The following USP24 variants were observed in gnomAD, a reference collection of about 807,000 sequenced individuals.
USP24 encodes the protein ubiquitin specific peptidase 24.
Under a neutral mutation model 361.6 loss-of-function variants are expected in USP24, and 97 were observed. The ratio of observed to expected loss-of-function variants is 0.27; its 90% confidence interval spans 0.23 to 0.32. The LOEUF is 0.32. Ranked by LOEUF, USP24 falls within the 10% of genes least tolerant of loss-of-function variation. USP24 has a pLI of 1.00. For missense variants in USP24, 2,353 were observed against 3,165.6 expected, an observed-to-expected ratio of 0.74 and a Z score of 6.16; for synonymous variants, 1,098 against 1,124.6, an observed-to-expected ratio of 0.98 and a Z score of 0.47.
intron 1 of USP24, among the ~76,000 whole-genome samples, chr1:55,208,086 T>C (rs1042414134): frequency 7.9e-5 from 12 of 152,216 alleles, no homozygotes; most frequent in African/African-American, 2.9e-4. Flanking sequence ...GTGTTAGCTC[T>C]TCAGAGAAAA....
At chr1:55,160,681 T>C (rs956718817) in intron 8 of USP24, among the ~76,000 whole-genome samples, 4 of 152,222 alleles carry the variant, frequency 2.6e-5, no homozygotes, top group African/African-American at 9.6e-5. Flanking sequence ...CATACACTTC[T>C]TGTTCTTTTT....
intron 28 of USP24, 60 bp from the exon 29 acceptor site, chr1:55,134,473 T>A: frequency 1.4e-6 from 2 of 1,434,024 alleles, no homozygotes; most frequent in East Asian, 4.8e-5. Context: ...CCTTTCCTAA[T>A]CAAACTTACA....
intron 42 of USP24, among the ~76,000 whole-genome samples, chr1:55,101,974 A>G (rs1645646546): frequency 6.6e-6 from 1 of 152,290 alleles, no homozygotes; most frequent in African/African-American, 2.4e-5. Flanking sequence ...CTTGATTATC[A>G]TTCAACAAAT....
intron 44 of USP24, among the ~76,000 whole-genome samples, chr1:55,100,240 T>C (rs1199821513): frequency 6.6e-6 from 1 of 152,230 alleles, no homozygotes; most frequent in Admixed American, 6.5e-5. Context: ...CTCACGCCTG[T>C]AATCCCAGCA....
chr1:55,149,950 A>G (rs897712814), intron 16 of USP24, among the ~76,000 whole-genome samples: 11 of 152,222 alleles, frequency 7.2e-5, no homozygotes, highest in Admixed American at 6.5e-4. Context: ...GTGGTCTCAC[A>G]CTAAAGCATT....
intron 7 of USP24, among the ~76,000 whole-genome samples, chr1:55,164,337 AG>A (rs1226644351): frequency 6.6e-6 from 1 of 152,082 alleles, no homozygotes; most frequent in Non-Finnish European, 1.5e-5. Flanking sequence ...TGTGGGGATC[AG>A]GAAGAAGGAT....
rs1257340677 is a variant in USP24, at chr1:55,089,712, T to C, written c.6583A>G (p.Ile2195Val). The change falls in exon 55 of 68, where the codon ATT becomes GTT. Residue 2195 changes from isoleucine to valine, a missense_variant. Transcript: ENST00000294383. ...AAACTTTTTGAAAGCAATGCTTCAA[T>C]GGTAGCAATCCATTCTTCAGTATCA... ...RVDTEEWIAT[I>V]EALLSKSFDA... 4.4e-6 allele frequency: 7 copies of C among 1,602,206 alleles called. No homozygotes were observed. The East Asian group carries it at 1.1e-4, about 26-fold the overall frequency.
intron 1 of USP24, among the ~76,000 whole-genome samples, chr1:55,182,548 G>A (rs144018438): frequency 5.9e-5 from 9 of 152,108 alleles, no homozygotes; most frequent in Non-Finnish European, 8.8e-5. Context: ...ATATGAAATC[G>A]TCAAATGTAC....
chr1:55,087,736 A>G (rs986851387), intron 55 of USP24, among the ~76,000 whole-genome samples: 14 of 152,216 alleles, frequency 9.2e-5, no homozygotes, highest in African/African-American at 1.4e-4. Context: ...TTCTGCCCTC[A>G]AGAAGCTGAA....
chr1:55,190,364 A>T (rs772486591), intron 1 of USP24, among the ~76,000 whole-genome samples: 8 of 152,138 alleles, frequency 5.3e-5, no homozygotes, highest in African/African-American at 9.6e-5. Flanking sequence ...GAGATAAGCA[A>T]CCACAGAGGG....
At chr1:55,163,831 G>A (rs976602756) in intron 7 of USP24, among the ~76,000 whole-genome samples, 3 of 151,950 alleles carry the variant, frequency 2.0e-5, no homozygotes, top group Non-Finnish European at 4.4e-5. Flanking sequence ...CCAGATTGAA[G>A]GTTGACTTTT....
At chr1:55,148,649 G>A (rs1647106945) in intron 16 of USP24, 79 bp from the exon 17 acceptor site, 2 of 1,056,788 alleles carry the variant, frequency 1.9e-6, no homozygotes, top group Non-Finnish European at 2.8e-6. Context: ...AAAATTTCAA[G>A]TCAATCAGGT....
intron 63 of USP24, 149 bp from the exon 64 acceptor site, chr1:55,074,055 C>A: frequency 2.4e-6 from 1 of 421,960 alleles, no homozygotes; most frequent in Non-Finnish European, 4.2e-6. Context: ...TGGTGCCTGA[C>A]TCAACAGAAT....
chr1:55,120,948 C>T (rs549371057), intron 37 of USP24, among the ~76,000 whole-genome samples, 192 bp from the exon 38 acceptor site: 1 of 152,310 alleles, frequency 6.6e-6, no homozygotes, highest in Admixed American at 6.5e-5. Context: ...GGTTTGGGAA[C>T]TGATTTCCCA....
At chr1:55,077,049 T>C (rs958788301) in intron 62 of USP24, among the ~76,000 whole-genome samples, 186 bp downstream of exon 62, 1 of 152,158 alleles carries the variant, frequency 6.6e-6, no homozygotes, top group Non-Finnish European at 1.5e-5. Flanking sequence ...TCCTAGGAGG[T>C]AGTTTTATTA....
chr1:55,143,753 G>A (rs1398022429), intron 21 of USP24, among the ~76,000 whole-genome samples: 1 of 151,906 alleles, frequency 6.6e-6, no homozygotes, highest in Non-Finnish European at 1.5e-5. Flanking sequence ...ATCCCAGGAC[G>A]AAGACTGTTC....
In USP24 at chr1:55,089,741, C is replaced by CT; in HGVS notation, c.6555-2dup. On this transcript the variant is annotated splice_acceptor_variant, in intron 54 of 67. Coordinates refer to ENST00000294383, the MANE Select transcript of USP24 (RefSeq NM_015306.3). LOFTEE classifies it high-confidence loss of function. Reference sequence around the variant, plus strand: ...AGCAATCCATTCTTCAGTATCAACCCTTTAAAAAAAAGCAGATACAGCAAT... The same window carrying CT: ...AGCAATCCATTCTTCAGTATCAACCCTTTTAAAAAAAAGCAGATACAGCAAT... 6.3e-7 allele frequency: 1 copy of CT among 1,582,980 alleles called. No individual in the cohort carries two copies. The highest frequency in any genetic ancestry group is 2.3e-5 in the East Asian group (1 of 44,200).
intron 1 of USP24, among the ~76,000 whole-genome samples, chr1:55,204,591 C>T (rs1412259271): frequency 6.6e-6 from 1 of 152,152 alleles, no homozygotes; most frequent in Non-Finnish European, 1.5e-5. Context: ...TTTAAGCTTT[C>T]ATATTTAACC....
intron 45 of USP24, among the ~76,000 whole-genome samples, chr1:55,098,877 T>C (rs115698522): frequency 4.8e-4 from 73 of 152,192 alleles, no homozygotes; most frequent in African/African-American, 1.8e-3. Flanking sequence ...TTTTTTCTTG[T>C]GGATAGAATG....
Sources: allele counts gnomAD v4.1 joint callset (sites outside exome capture counted in the v4.1 genomes callset), GRCh38; gene constraint gnomAD v4.1.1; transcripts MANE v1.5; gene names NCBI Gene and HGNC (gene_info 2026-07-23, HGNC 2026-07-21).